ERVK3-1: variants seen among roughly 807,000 people sequenced by gnomAD.
ERVK3-1 encodes HERV-K(HML6-1).
At chr19:58,309,116 A>G (rs999890259) in intron 2 of ERVK3-1, 2 of 152,314 alleles carry the variant, frequency 1.3e-5, no homozygotes, top group South Asian at 2.1e-4. Context: ...CTTGTGATCA[A>G]TGAAAAGTTT....
At chr19:58,305,419 A>G (rs952845184) in exon 1 of ERVK3-1, 12 of 152,398 alleles carry the variant, frequency 7.9e-5, no homozygotes, top group African/African-American at 2.7e-4. Context: ...TCGGGCGGCT[A>G]GGCTCTCTGA....
At position 58,313,619 on chromosome 19, in the gene ERVK3-1, C is replaced by G. The variant is rs2051571206; in HGVS notation, c.295-1129C>G. On this transcript the variant is annotated intron_variant, in intron 3 of 3. Coordinates refer to ENST00000413518, the Ensembl canonical transcript of ERVK3-1. The surrounding 1 kb of genome is among the most constrained non-coding windows in gnomAD (Gnocchi z 4.5). Reference sequence around the variant, plus strand: ...TTGTGTTTTTAATCCCTATGTTTTTCTAGCATCTAAGAAGGACCAACTCCA... The same window carrying G: ...TTGTGTTTTTAATCCCTATGTTTTTGTAGCATCTAAGAAGGACCAACTCCA... Among the ~76,000 whole-genome samples, 1 of 152,164 alleles carries G rather than the reference C, an allele frequency of 6.6e-6. No individual in the cohort carries two copies. The highest frequency in any genetic ancestry group is 1.5e-5 in the Non-Finnish European group (1 of 68,014).
intron 1 of ERVK3-1, among the ~76,000 whole-genome samples, 172 bp downstream of exon 1, chr19:58,305,617 G>A (rs1300096270): frequency 6.6e-6 from 1 of 152,094 alleles, no homozygotes; most frequent in African/African-American, 2.4e-5. Flanking sequence ...GGCGCGACCT[G>A]CCATGTCCTG....
At chr19:58,311,664 CACTT>C (rs2051557528) in intron 2 of ERVK3-1, 1 of 152,232 alleles carries the variant, frequency 6.6e-6, no homozygotes, top group African/African-American at 2.4e-5. Context: ...GTAATATAGA[CACTT>C]ACTCCCATAT....
rs192059213 is a variant in ERVK3-1, at chr19:58,314,024, G to A, written c.295-724G>A. Among the ~76,000 whole-genome samples, 24 of 152,250 alleles carry A rather than the reference G, an allele frequency of 1.6e-4. No individual in the cohort carries two copies. The East Asian group carries it at 4.2e-3, about 27-fold the overall frequency. ...GATGCTTCAAAATAAAATTAATACC[G>A]AATTACAAACAAAGGTAGCAATGTT... On this transcript the variant is annotated intron_variant, in intron 3 of 3. Transcript: ENST00000413518.
At chr19:58,314,888 G>A in exon 4 of ERVK3-1, 1 of 397,736 alleles carries the variant, frequency 2.5e-6, no homozygotes, top group African/African-American at 2.1e-5. Flanking sequence ...GTATACCACT[G>A]GAGGCTCTGT....
intron 2 of ERVK3-1, chr19:58,309,678 A>G (rs917212954): frequency 3.3e-5 from 5 of 152,218 alleles, no homozygotes; most frequent in African/African-American, 4.8e-5. Context: ...CCCATTCTCC[A>G]TCAGGACTTT....
At chr19:58,307,679 C>T (rs919798570) in intron 2 of ERVK3-1, among the ~76,000 whole-genome samples, 2 of 151,472 alleles carry the variant, frequency 1.3e-5, no homozygotes, top group African/African-American at 2.4e-5. Flanking sequence ...TTGCCCTCGC[C>T]GTAATAAAGG....
In ERVK3-1 at chr19:58,312,471, C is replaced by T; in HGVS notation, c.294+9C>T. ...CTGTAGTGTCCTGTGCGGTATGTTTCCCCTGTGTAGAGGCAAAAACATATT... is the reference window on the plus strand; with the variant it reads ...CTGTAGTGTCCTGTGCGGTATGTTTTCCCTGTGTAGAGGCAAAAACATATT... On this transcript the variant is annotated intron_variant, in intron 3 of 3. Coordinates refer to ENST00000413518, the Ensembl canonical transcript of ERVK3-1. The surrounding 1 kb of genome is among the most constrained non-coding windows in gnomAD (Gnocchi z 4.7). The T allele has an allele frequency of 7.5e-6, 3 of 400,006 alleles. No homozygotes were observed. The allele number at this position is 400,006 out of a possible 1,614,324, so 24.8% of individuals were successfully genotyped here. A position where few individuals can be genotyped will look rare whatever the true frequency, so the allele number is the denominator to read the frequency against.
At chr19:58,314,626 CA>C (rs58275693) in intron 3 of ERVK3-1, 121 bp from the exon 4 acceptor site, 4,855 of 58,752 alleles carry the variant, frequency 0.083, 13 homozygotes, top group African/African-American at 0.1. Flanking sequence ...GACTCCATCT[CA>C]AAAAAAAAAA....
chr19:58,306,647 G>C (rs1393640127), intron 2 of ERVK3-1: 1 of 152,110 alleles, frequency 6.6e-6, no homozygotes, highest in African/African-American at 2.4e-5. Context: ...AAACAGGAGA[G>C]GGAGGATGAG....
At chr19:58,314,626 C>CA (rs58275693) in intron 3 of ERVK3-1, 122 bp from the exon 4 acceptor site, 2,000 of 56,760 alleles carry the variant, frequency 0.035, 16 homozygotes, top group Non-Finnish European at 0.05. Flanking sequence ...GACTCCATCT[C>CA]AAAAAAAAAA....
In ERVK3-1 at chr19:58,307,303, C is replaced by T. The variant is rs376785795; in HGVS notation, c.-4+1087C>T. 1.6e-4 allele frequency among the ~76,000 whole-genome samples: 24 copies of T among 152,294 alleles called. No individual in the cohort carries two copies. In the East Asian group the frequency reaches 3.7e-3, roughly 23 times the overall value. On this transcript the variant is annotated intron_variant, in intron 2 of 3. Coordinates refer to ENST00000413518, the Ensembl canonical transcript of ERVK3-1. ...CATCAGATTCCTCATACTGCTCCTG[C>T]GAAAATGCTTACTTTGACCCTAGCT...
At position 58,315,092 on chromosome 19, in the gene ERVK3-1, A is replaced by T. The variant is rs191780842; in HGVS notation, c.*309A>T. 64 of 282,342 alleles carry T rather than the reference A, an allele frequency of 2.3e-4. No homozygotes were observed. The East Asian group carries it at 3.0e-3, about 13-fold the overall frequency. The allele number at this position is 282,342 out of a possible 1,614,324, so 17.5% of individuals were successfully genotyped here. A position where few individuals can be genotyped will look rare whatever the true frequency, so the allele number is the denominator to read the frequency against. ...CTGTGTTAAATCAAATAGCTGACCGACAGTTATCCCTTCCTCCCTATTCAC... is the reference window on the plus strand; with the variant it reads ...CTGTGTTAAATCAAATAGCTGACCGTCAGTTATCCCTTCCTCCCTATTCAC... On this transcript the variant is annotated 3_prime_UTR_variant, in exon 4 of 4. Coordinates refer to ENST00000413518, the Ensembl canonical transcript of ERVK3-1.
At chr19:58,308,523 A>T (rs1234683387) in intron 2 of ERVK3-1, among the ~76,000 whole-genome samples, 1 of 152,230 alleles carries the variant, frequency 6.6e-6, no homozygotes, top group East Asian at 1.9e-4. Flanking sequence ...TGTGAGACTT[A>T]CAAATGAAAA....
At position 58,313,356 on chromosome 19, in the gene ERVK3-1, G is replaced by A. The variant is rs985557762; in HGVS notation, c.294+894G>A. Among the ~76,000 whole-genome samples the A allele has an allele frequency of 5.3e-5, 8 of 152,084 alleles. No homozygotes were observed. Among genetic ancestry groups the A allele is most frequent in the African/African-American group, 1.7e-4 (7 of 41,404 alleles). ...GGCTGGAGTGCAGTGGCGCAATCTC[G>A]GGTCACTGCAACCTTTGCCTCCCGG... On this transcript the variant is annotated intron_variant, in intron 3 of 3. Coordinates refer to ENST00000413518, the Ensembl canonical transcript of ERVK3-1. The surrounding 1 kb of genome is among the most constrained non-coding windows in gnomAD (Gnocchi z 4.5).
chr19:58,308,228 C>G (rs989169510), intron 2 of ERVK3-1, among the ~76,000 whole-genome samples: 1 of 152,132 alleles, frequency 6.6e-6, no homozygotes. Context: ...TTTACCTATC[C>G]CAACCCATAG....
chr19:58,308,167 G>A (rs2051536376), intron 2 of ERVK3-1, among the ~76,000 whole-genome samples: 1 of 152,156 alleles, frequency 6.6e-6, no homozygotes, highest in African/African-American at 2.4e-5. Flanking sequence ...CCTTCTTCAC[G>A]AAAGGAGAAA....
Position 58,310,891 on chromosome 19 carries a change from C to T in ERVK3-1, c.-3-1275C>T, listed in dbSNP as rs988912603. On this transcript the variant is annotated intron_variant, in intron 2 of 3. Transcript: ENST00000413518. The surrounding 1 kb of genome is among the most constrained non-coding windows in gnomAD (Gnocchi z 4.7). Reference sequence around the variant, plus strand: ...GTTGTTCCTTGACACTTTTCGCTACCGCTAGACCACGGTCTTCCCAAACGC... The same window carrying T: ...GTTGTTCCTTGACACTTTTCGCTACTGCTAGACCACGGTCTTCCCAAACGC... 37 of 399,364 alleles carry T rather than the reference C, an allele frequency of 9.3e-5. No homozygotes were observed. The highest frequency in any genetic ancestry group is 5.0e-4 in the South Asian group (28 of 56,408). The allele number at this position is 399,364 out of a possible 1,614,324, so 24.7% of individuals were successfully genotyped here.
Sources: allele counts gnomAD v4.1 joint callset (sites outside exome capture counted in the v4.1 genomes callset), GRCh38; gene constraint gnomAD v4.1.1; non-coding constraint Gnocchi (gnomAD v3.1); transcripts MANE v1.5; gene names NCBI Gene and HGNC (gene_info 2026-07-23, HGNC 2026-07-21).